SYCP2: variants seen among roughly 807,000 people sequenced by gnomAD.
SYCP2 encodes synaptonemal complex protein 2, also known as synaptonemal complex lateral element protein.
A neutral mutation model predicts 211.3 loss-of-function variants in SYCP2; 55 were observed. The ratio of observed to expected loss-of-function variants is 0.26; its 90% CI spans 0.21 to 0.33. The LOEUF (loss-of-function observed/expected upper bound fraction) is 0.33, where lower values mean the gene tolerates loss of function less well. Among genes scored for constraint, SYCP2 ranks in the 10% least tolerant of loss-of-function variants. SYCP2 has a pLI of 1.00. For synonymous variants in SYCP2, 570 were observed against 555.2 expected (o/e 1.03, Z -0.37); for missense variants, 1,731 against 1,752.0 (o/e 0.99, Z 0.21).
intron 20 of SYCP2, among the ~76,000 whole-genome samples, chr20:59,894,326 A>G (rs1202849306): frequency 6.6e-6 from 1 of 152,016 alleles, no homozygotes; most frequent in African/African-American, 2.4e-5. Flanking sequence ...GGTAAGCACA[A>G]TCCTAGCTAG....
chr20:59,889,666 C>T (rs933636294), intron 24 of SYCP2, among the ~76,000 whole-genome samples: 3 of 151,920 alleles, frequency 2.0e-5, no homozygotes, highest in South Asian at 4.2e-4. Context: ...TTAAGATTAT[C>T]GGAGTGGTTT....
At chr20:59,901,891 C>T (rs2060122571) in intron 15 of SYCP2, 81 bp from the exon 16 acceptor site, 1 of 1,124,444 alleles carries the variant, frequency 8.9e-7, no homozygotes, top group South Asian at 2.1e-5. Context: ...ATGGATGTAG[C>T]AGATTAATTG....
At chr20:59,898,228 G>A (rs544529671) in intron 18 of SYCP2, among the ~76,000 whole-genome samples, 23 of 152,236 alleles carry the variant, frequency 1.5e-4, no homozygotes, top group African/African-American at 3.4e-4. Context: ...GGTATATACC[G>A]AAAGGATTAT....
intron 24 of SYCP2, among the ~76,000 whole-genome samples, chr20:59,889,803 G>A (rs2059868819): frequency 6.6e-6 from 1 of 151,998 alleles, no homozygotes; most frequent in Non-Finnish European, 1.5e-5. Flanking sequence ...TTGCTCTGGG[G>A]TGATCCAATA....
intron 26 of SYCP2, among the ~76,000 whole-genome samples, chr20:59,882,784 G>A (rs1448532472): frequency 1.3e-5 from 2 of 152,008 alleles, no homozygotes; most frequent in African/African-American, 2.4e-5. Flanking sequence ...GGAAGAGTAG[G>A]AAGGAGTAGG....
intron 2 of SYCP2, among the ~76,000 whole-genome samples, chr20:59,925,047 CATAAT>C (rs376167872): frequency 2.6e-5 from 4 of 152,084 alleles, no homozygotes; most frequent in Non-Finnish European, 4.4e-5. Flanking sequence ...GTTTCTAGAA[CATAAT>C]ATATTAGAAC....
chr20:59,873,485 A>G (rs1025460857), intron 35 of SYCP2, among the ~76,000 whole-genome samples: 1 of 152,168 alleles, frequency 6.6e-6, no homozygotes, highest in Admixed American at 6.5e-5. Context: ...TCATCACACT[A>G]TTCAGAATTA....
chr20:59,904,056 GAAGAC>G (rs2060167698), intron 15 of SYCP2, among the ~76,000 whole-genome samples: 1 of 152,126 alleles, frequency 6.6e-6, no homozygotes, highest in Admixed American at 6.6e-5. Context: ...CTGGAGAAAA[GAAGAC>G]AAGCAAGTAT....
intron 31 of SYCP2, among the ~76,000 whole-genome samples, chr20:59,879,230 T>C (rs6070991): frequency 0.019 from 2,954 of 152,152 alleles, 42 homozygotes; most frequent in Middle Eastern, 0.041. Context: ...CCCATAAATA[T>C]GATCTATGTA....
rs2059316552 is a variant in SYCP2 at position 59,865,627 on chromosome 20, C to T, written c.4404G>A (p.Leu1468=). ...CAGTATTACAGAAGACACTTTTAGC[C>T]AATGAAGTTTTCAAAAGATGAAGCC... ...QQRLHLLKTS[L]AKSVFCNTDS... The change falls in exon 43 of 45, where the codon TTG becomes TTA. Residue 1468 remains leucine (L), a synonymous_variant. Coordinates refer to ENST00000357552, the MANE Select transcript of SYCP2 (RefSeq NM_014258.4). 1.3e-6 allele frequency: 2 copies of T among 1,599,240 alleles called. No individual in the cohort carries two copies. The highest frequency in any genetic ancestry group is 1.8e-5 in the Admixed American group (1 of 57,010).
intron 26 of SYCP2, among the ~76,000 whole-genome samples, chr20:59,883,477 G>A (rs1002874041): frequency 3.9e-5 from 6 of 152,008 alleles, no homozygotes; most frequent in African/African-American, 1.4e-4. Flanking sequence ...AAGAAATTGT[G>A]GTGCGTGTAT....
At chr20:59,893,495 A>T in intron 21 of SYCP2, 29 bp downstream of exon 21, 1 of 1,457,390 alleles carries the variant, frequency 6.9e-7, no homozygotes, top group South Asian at 1.2e-5. Flanking sequence ...TCTTAAAAAA[A>T]TGACTAAATT....
intron 8 of SYCP2, 82 bp downstream of exon 8, chr20:59,916,404 G>T (rs1293301301): frequency 2.6e-6 from 2 of 775,080 alleles, no homozygotes; most frequent in East Asian, 2.6e-5. Flanking sequence ...TGTCCTACAT[G>T]AAATAAATTG....
At position 59,892,064 on chromosome 20, in the gene SYCP2, C is replaced by T; in HGVS notation, c.2290G>A (p.Val764Met). The change falls in exon 24 of 45, where the codon GTG becomes ATG. Residue 764 changes from valine (V) to methionine (M), a missense_variant. Physicochemically the swap from Val to Met is conservative, Grantham distance 21 (BLOSUM62 1). This residue lies in a region of SYCP2 where 1,387 missense variants were observed against 1,351.3 expected (regional missense o/e 1.03). Coordinates refer to ENST00000357552, the MANE Select transcript of SYCP2 (RefSeq NM_014258.4). ...CDKNPSASKN[V>M]QSHRKAEKEL... ...TTCTCTGCTTTTCTATGACTTTGCA[C>T]ATTTTTGCTAGCAGATGGATTTTTA... is the stretch of plus-strand genomic sequence containing the variant. 1.2e-6 allele frequency: 2 copies of T among 1,611,400 alleles called. No individual in the cohort carries two copies. Among genetic ancestry groups the T allele is most frequent in the African/African-American group, 1.3e-5 (1 of 74,842 alleles).
chr20:59,881,979 A>G lies in SYCP2; in HGVS notation c.2624T>C (p.Leu875Ser), dbSNP rs769290440. The G allele has an allele frequency of 4.3e-6, 7 of 1,612,996 alleles. No individual in the cohort carries two copies. In the African/African-American group the frequency reaches 9.3e-5, roughly 22 times the overall value. ...CPVNDVYNFN[L>S]NGADDPIIKL... is the part of the protein sequence containing the mutation. ...TATGATAGGGTCATCAGCTCCATTC[A>G]AATTAAAATTGTAAACATCATTCCT... The change falls in exon 28 of 45, where the codon TTG becomes TCG. Residue 875 changes from leucine (L) to serine (S), a missense_variant. Leu to Ser is a moderately radical substitution (Grantham distance 145). This residue lies in a region of SYCP2 where 1,387 missense variants were observed against 1,351.3 expected (regional missense o/e 1.03). Coordinates refer to ENST00000357552, the MANE Select transcript of SYCP2 (RefSeq NM_014258.4).
Position 59,911,775 on chromosome 20 carries a change from G to A in SYCP2, c.947C>T (p.Ser316Leu). ...IDFNLGSQTL[S>L]FYIAGDNDDH... ...ATCATTATCTCCAGCAATGTAGAAT[G>A]AGAGAGTCTGACTCCCAAGATTAAA... is the stretch of plus-strand genomic sequence containing the variant. Residue 316 changes from serine to leucine, a missense_variant, in exon 14 of 45, where the codon TCA becomes TTA. Transcript: ENST00000357552. 1.9e-6 allele frequency: 3 copies of A among 1,585,290 alleles called. No individual in the cohort carries two copies. Among genetic ancestry groups the A allele is most frequent in the Middle Eastern group, 1.7e-4 (1 of 5,990 alleles).
intron 31 of SYCP2, 78 bp downstream of exon 31, chr20:59,880,225 G>A: frequency 8.7e-7 from 1 of 1,147,808 alleles, no homozygotes; most frequent in Admixed American, 2.2e-5. Context: ...AATACAATAA[G>A]CTTATATAAA....
At chr20:59,916,209 A>G (rs534867782) in intron 8 of SYCP2, among the ~76,000 whole-genome samples, 3 of 152,288 alleles carry the variant, frequency 2.0e-5, no homozygotes, top group South Asian at 4.1e-4. Flanking sequence ...ACACATACAT[A>G]TACTAATACA....
Position 59,896,494 on chromosome 20 carries a change from G to A in SYCP2, c.1439C>T (p.Ala480Val), listed in dbSNP as rs767964189. 4.4e-5 allele frequency: 71 copies of A among 1,610,142 alleles called. No individual in the cohort carries two copies. Among genetic ancestry groups the A allele is most frequent in the Non-Finnish European group, 5.8e-5 (68 of 1,177,550 alleles). The change falls in exon 19 of 45, where the codon GCA becomes GTA. Residue 480 changes from alanine to valine, a missense_variant. Physicochemically the swap from Ala to Val is moderately conservative, Grantham distance 64. This residue lies in a region of SYCP2 where 1,387 missense variants were observed against 1,351.3 expected (regional missense o/e 1.03). Transcript: ENST00000357552. ...ATCTGCACCAGAAACAATCATTGATGCTTCAGACATTTTTCTTTTGCTAGG... is the reference window on the plus strand; with the variant it reads ...ATCTGCACCAGAAACAATCATTGATACTTCAGACATTTTTCTTTTGCTAGG... ...TTPSKRKMSEASMIVSGADRY... is the reference protein window; with the variant it reads ...TTPSKRKMSEVSMIVSGADRY...
Sources: gnomAD v4.1 joint callset for allele counts (sites outside exome capture counted in the v4.1 genomes callset) on GRCh38, gnomAD v4.1.1 for gene constraint, gnomAD v4.1.1 regional missense constraint, MANE v1.5 for transcripts, NCBI Gene and HGNC (gene_info 2026-07-23, HGNC 2026-07-21) for gene names.